The following TBC1D8 variants were observed in gnomAD, a reference collection of about 807,000 sequenced individuals.
TBC1D8 encodes the protein BUB2-like protein 1.
TBC1D8 carries 65 observed loss-of-function variants against 118.8 expected under a neutral mutation model. That is an observed-to-expected ratio of 0.55 (90% CI 0.45 to 0.67). TBC1D8 has a LOEUF of 0.67. TBC1D8 is among the 30% of genes least tolerant of loss of function. The probability of loss-of-function intolerance (pLI) is 0.00; values close to 1 mark genes in which losing one functional copy is unlikely to be tolerated. For synonymous variants in TBC1D8, 566 were observed against 595.8 expected (o/e 0.95, Z 0.73); for missense variants, 1,376 against 1,471.2 (o/e 0.94, Z 1.06).
rs572117171 is a variant in TBC1D8 at position 101,119,693 on chromosome 2, G to T, written c.128-29329C>A. On this transcript the variant is annotated intron_variant, in intron 1 of 19. Transcript: ENST00000409318. ...GACCACTGTTCTAGGATCTTCTCTT[G>T]TTCCCTCTTCCCTAAGGCTCTTGAC... 5.9e-5 allele frequency among the ~76,000 whole-genome samples: 9 copies of T among 152,290 alleles called. No homozygotes were observed. The East Asian group carries it at 1.7e-3, about 29-fold the overall frequency.
At chr2:101,109,619 AT>A (rs1410204559) in intron 1 of TBC1D8, among the ~76,000 whole-genome samples, 1 of 152,068 alleles carries the variant, frequency 6.6e-6, no homozygotes, top group African/African-American at 2.4e-5. Context: ...TAAAAAAAAA[AT>A]ACTGCTGTTC....
At chr2:101,027,661 G>C (rs1161293961) in intron 14 of TBC1D8, among the ~76,000 whole-genome samples, 2 of 152,174 alleles carry the variant, frequency 1.3e-5, no homozygotes, top group African/African-American at 4.8e-5. Context: ...ACACATCAGT[G>C]CCTAAGGACA....
intron 1 of TBC1D8, among the ~76,000 whole-genome samples, chr2:101,101,672 A>G (rs1369326372): frequency 6.6e-6 from 1 of 152,258 alleles, no homozygotes; most frequent in Non-Finnish European, 1.5e-5. Context: ...GATAGACTGC[A>G]TAAAGAAAAT....
At chr2:101,021,192 C>T (rs1680009108) in intron 17 of TBC1D8, among the ~76,000 whole-genome samples, 1 of 152,110 alleles carries the variant, frequency 6.6e-6, no homozygotes, top group South Asian at 2.1e-4. Context: ...TTTTAGGTTT[C>T]CTTGGTCTTG....
At chr2:101,009,908 G>A (rs1418536956) in intron 19 of TBC1D8, among the ~76,000 whole-genome samples, 6 of 149,124 alleles carry the variant, frequency 4.0e-5, no homozygotes, top group African/African-American at 1.5e-4. Context: ...TGCAAGCTCC[G>A]CCTCCCGGGT....
At chr2:101,029,918 TCTGA>T (rs1173532597) in intron 11 of TBC1D8, 142 bp from the exon 12 acceptor site, 1 of 820,226 alleles carries the variant, frequency 1.2e-6, no homozygotes, top group African/African-American at 1.7e-5. Flanking sequence ...GTTCATTGAT[TCTGA>T]CTTTTAGACC....
rs1032078895 is a variant in TBC1D8 at position 101,007,751 on chromosome 2, G to A, written c.*70C>T. ...TAGACTGAAATCTCGGTTTAGGGCT[G>A]ACCCCAAGAAACAGTCTGGTTCGTG... On this transcript the variant is annotated 3_prime_UTR_variant, in exon 20 of 20. Transcript: ENST00000409318. The A allele has an allele frequency of 1.7e-5, 26 of 1,489,596 alleles. No homozygotes were observed. The African/African-American group carries it at 1.8e-4, about 10-fold the overall frequency. The allele number at this position is 1,489,596 out of a possible 1,614,324, so 92.3% of individuals were successfully genotyped here.
chr2:101,010,045 C>G (rs1046812596), intron 19 of TBC1D8, among the ~76,000 whole-genome samples: 8 of 151,834 alleles, frequency 5.3e-5, no homozygotes, highest in African/African-American at 7.3e-5. Context: ...CCAGGATGGT[C>G]TCAATCTTCT....
intron 2 of TBC1D8, among the ~76,000 whole-genome samples, chr2:101,071,156 G>A (rs145360845): frequency 0.027 from 4,139 of 152,018 alleles, 110 homozygotes; most frequent in Non-Finnish European, 0.033. Flanking sequence ...TGGCTAATAC[G>A]GTGAAACTCC....
intron 1 of TBC1D8, among the ~76,000 whole-genome samples, chr2:101,146,300 A>G (rs147710716): frequency 3.3e-5 from 5 of 152,176 alleles, no homozygotes; most frequent in African/African-American, 1.2e-4. Context: ...ATTTTACACT[A>G]TTTTTCACTA....
chr2:101,014,392 G>T (rs973941168), intron 17 of TBC1D8, among the ~76,000 whole-genome samples: 2 of 152,140 alleles, frequency 1.3e-5, no homozygotes, highest in Non-Finnish European at 2.9e-5. Flanking sequence ...TGTTAAACTG[G>T]AGCTGATATC....
At chr2:101,130,400 G>C (rs1678542048) in intron 1 of TBC1D8, among the ~76,000 whole-genome samples, 1 of 152,192 alleles carries the variant, frequency 6.6e-6, no homozygotes, top group African/African-American at 2.4e-5. Context: ...CACCAAGTCG[G>C]ACCCTAGTGA....
intron 7 of TBC1D8, among the ~76,000 whole-genome samples, chr2:101,037,911 C>G (rs1463546442): frequency 1.3e-5 from 2 of 152,140 alleles, no homozygotes. Flanking sequence ...GAGGCTGTCC[C>G]GGTCCCCAGA....
intron 17 of TBC1D8, among the ~76,000 whole-genome samples, chr2:101,020,272 A>G (rs928156308): frequency 6.6e-6 from 1 of 152,214 alleles, no homozygotes; most frequent in Non-Finnish European, 1.5e-5. Context: ...TAAAATAAAA[A>G]CAATCATGTT....
intron 3 of TBC1D8, among the ~76,000 whole-genome samples, chr2:101,057,376 C>T (rs886468031): frequency 1.3e-5 from 2 of 152,146 alleles, no homozygotes; most frequent in Non-Finnish European, 2.9e-5. Context: ...CAGTACACTG[C>T]CCCCAAAAGC....
In TBC1D8 at chr2:101,040,397, CAG is replaced by C. The variant is rs2105400054; in HGVS notation, c.873-14_873-13del. ...TGGCTTCCAGGTCCCTGGGGAAGGACAGGGAGAGAAGAAGAAGAGATAGGAAA... is the reference window on the plus strand; with the variant it reads ...TGGCTTCCAGGTCCCTGGGGAAGGACGGAGAGAAGAAGAAGAGATAGGAAA... On this transcript the variant is annotated splice_polypyrimidine_tract_variant and intron_variant, in intron 5 of 19. Coordinates refer to ENST00000409318, the MANE Select transcript of TBC1D8 (RefSeq NM_001330348.2). 1 of 1,581,194 alleles carries C rather than the reference CAG, an allele frequency of 6.3e-7. No homozygotes were observed. The highest frequency in any genetic ancestry group is 2.3e-5 in the East Asian group (1 of 43,306).
chr2:101,100,574 A>T (rs1246956585), intron 1 of TBC1D8, among the ~76,000 whole-genome samples: 1 of 152,218 alleles, frequency 6.6e-6, no homozygotes, highest in Non-Finnish European at 1.5e-5. Context: ...AAACAAAAAG[A>T]ACAAAGCTGA....
At chr2:101,036,225 C>T in intron 8 of TBC1D8, 57 bp from the exon 9 acceptor site, 1 of 1,580,170 alleles carries the variant, frequency 6.3e-7, no homozygotes, top group Non-Finnish European at 8.7e-7. Flanking sequence ...ACCCCCCACC[C>T]ACCGATGCAC....
At chr2:101,019,109 G>A in intron 17 of TBC1D8, 1 of 1,564,882 alleles carries the variant, frequency 6.4e-7, no homozygotes, top group Non-Finnish European at 8.7e-7. Flanking sequence ...TGCAGCAGAT[G>A]CCTTTACAAC....
Sources: allele counts gnomAD v4.1 joint callset (sites outside exome capture counted in the v4.1 genomes callset), GRCh38; gene constraint gnomAD v4.1.1; transcripts MANE v1.5; gene names NCBI Gene and HGNC (gene_info 2026-07-23, HGNC 2026-07-21).